C1QB: variants seen among roughly 807,000 people sequenced by gnomAD.
C1QB encodes the protein complement C1q B chain.
C1QB carries 2 observed loss-of-function variants against 4.6 expected under a neutral mutation model. The ratio of observed to expected loss-of-function variants is 0.43; its 90% confidence interval spans 0.18 to 1.36. The LOEUF (loss-of-function observed/expected upper bound fraction) is 1.36. C1QB is among the 40% of genes most tolerant of loss of function. The probability of loss-of-function intolerance (pLI) is 0.28; values close to 1 mark genes in which losing one functional copy is unlikely to be tolerated. For synonymous variants in C1QB, 132 were observed against 137.1 expected (o/e 0.96, Z 0.26); for missense variants, 292 against 338.0 (o/e 0.86, Z 1.07).
Position 22,655,169 on chromosome 1 carries a change from C to A in C1QB, c.-24+1866C>A, listed in dbSNP as rs546921964. Among the ~76,000 whole-genome samples, 7 of 152,372 alleles carry A rather than the reference C, an allele frequency of 4.6e-5. No homozygotes were observed. In the South Asian group the frequency reaches 1.4e-3, roughly 32 times the overall value. ...CAGAGCCTGGCCTATACGTACCCAA[C>A]TTATTAAAGTTGTTAAATTGCCATT... is the stretch of plus-strand genomic sequence containing the variant. On this transcript the variant is annotated intron_variant, in intron 1 of 2. Coordinates refer to ENST00000509305, the MANE Select transcript of C1QB (RefSeq NM_001378156.1).
At chr1:22,658,200 A>G (rs1309912169) in intron 1 of C1QB, among the ~76,000 whole-genome samples, 3 of 151,834 alleles carry the variant, frequency 2.0e-5, no homozygotes, top group African/African-American at 7.3e-5. Context: ...TTGCCTCTCC[A>G]CTCTTGCTTC....
rs1160986568 is a variant in C1QB at position 22,660,850 on chromosome 1, G to A, written c.220G>A (p.Glu74Lys). ...GGCTGGAGACCATGGTGAGTTCGGA[G>A]AGAAGGGAGACCCAGGGATTCCTGG... ...GLAGDHGEFG[E>K]KGDPGIPGNP... Residue 74 changes from glutamate to lysine, a missense_variant, in exon 3 of 3, where the codon GAG becomes AAG. Glu to Lys is a moderately conservative substitution (Grantham distance 56, BLOSUM62 1). Transcript: ENST00000509305. The A allele has an allele frequency of 1.9e-6, 3 of 1,613,964 alleles. No individual in the cohort carries two copies. In the East Asian group the frequency reaches 6.7e-5, roughly 36 times the overall value.
intron 1 of C1QB, among the ~76,000 whole-genome samples, chr1:22,653,784 C>T (rs1431597495): frequency 1.3e-5 from 2 of 152,192 alleles, no homozygotes; most frequent in African/African-American, 4.8e-5. Context: ...CCTGCCCGGC[C>T]CAGCATTTCC....
chr1:22,656,767 C>T (rs1394852865), intron 1 of C1QB, among the ~76,000 whole-genome samples: 1 of 152,152 alleles, frequency 6.6e-6, no homozygotes, highest in Non-Finnish European at 1.5e-5. Context: ...CAAGACTGCT[C>T]CCCCTCAGAC....
In C1QB at chr1:22,660,892, G is replaced by A. The variant is rs544508692; in HGVS notation, c.262G>A (p.Gly88Ser). The change falls in exon 3 of 3, where the codon GGC becomes AGC. Residue 88 changes from glycine (G) to serine (S), a missense_variant. Coordinates refer to ENST00000509305, the MANE Select transcript of C1QB (RefSeq NM_001378156.1). ...GATTCCTGGGAATCCAGGAAAAGTC[G>A]GCCCCAAGGGCCCCATGGGCCCTAA... Reference protein sequence around the residue: ...PGIPGNPGKVGPKGPMGPKGG... With the variant: ...PGIPGNPGKVSPKGPMGPKGG... The A allele has an allele frequency of 1.4e-5, 23 of 1,612,898 alleles. No homozygotes were observed. The highest frequency in any genetic ancestry group is 1.1e-4 in the African/African-American group (8 of 74,816).
chr1:22,657,767 T>C (rs1465439464), intron 1 of C1QB, among the ~76,000 whole-genome samples: 2 of 152,188 alleles, frequency 1.3e-5, no homozygotes, highest in Admixed American at 6.5e-5. Context: ...GTTAAAAATA[T>C]ATAGGCTGAG....
At chr1:22,660,295 C>G in intron 2 of C1QB, among the ~76,000 whole-genome samples, 1 of 152,208 alleles carries the variant, frequency 6.6e-6, no homozygotes, top group Non-Finnish European at 1.5e-5. Context: ...GCACATCTCT[C>G]TGTCCCCAGA....
intron 1 of C1QB, among the ~76,000 whole-genome samples, chr1:22,657,189 C>T (rs1642543307): frequency 6.6e-6 from 1 of 152,048 alleles, no homozygotes; most frequent in Admixed American, 6.6e-5. Context: ...GAGAGTAGAC[C>T]CTCTAAGCCT....
At chr1:22,653,877 G>A (rs1642489306) in intron 1 of C1QB, 1 of 152,264 alleles carries the variant, frequency 6.6e-6, no homozygotes, top group South Asian at 2.1e-4. Context: ...TGCAGGTAGA[G>A]TTACGATGAG....
In C1QB at chr1:22,659,576, C is replaced by T. The variant is rs1201454821; in HGVS notation, c.114C>T (p.Ile38=). The T allele has an allele frequency of 1.2e-6, 2 of 1,613,906 alleles. No individual in the cohort carries two copies. Among genetic ancestry groups the T allele is most frequent in the African/African-American group, 1.3e-5 (1 of 74,880 alleles). ...CCGGGCCCCCAGCCATCCCTGGCATCCCGGGTATCCCTGGGACACCTGGCC... is the reference window on the plus strand; with the variant it reads ...CCGGGCCCCCAGCCATCCCTGGCATTCCGGGTATCCCTGGGACACCTGGCC... ...SCTGPPAIPG[I]PGIPGTPGPD... is the part of the protein sequence containing the mutation. Residue 38 remains isoleucine (I), a synonymous_variant, in exon 2 of 3, where the codon ATC becomes ATT. Transcript: ENST00000509305.
Position 22,653,457 on chromosome 1 carries a change from C to T in C1QB, c.-24+154C>T, listed in dbSNP as rs909611424. 2.6e-5 allele frequency among the ~76,000 whole-genome samples: 4 copies of T among 152,302 alleles called. No homozygotes were observed. In the East Asian group the frequency reaches 7.7e-4, roughly 29 times the overall value. Reference sequence around the variant, plus strand: ...TGGGCCCAATCCCAGACCTATGGGACCCAGATCTCTGGGGTGAGTTGGGGA... The same window carrying T: ...TGGGCCCAATCCCAGACCTATGGGATCCAGATCTCTGGGGTGAGTTGGGGA... On this transcript the variant is annotated intron_variant, in intron 1 of 2. Coordinates refer to ENST00000509305, the MANE Select transcript of C1QB (RefSeq NM_001378156.1).
chr1:22,659,518 T>C lies in C1QB; in HGVS notation c.56T>C (p.Leu19Pro). Residue 19 changes from leucine (L) to proline (P), a missense_variant, in exon 2 of 3, where the codon CTA becomes CCA. Coordinates refer to ENST00000509305, the MANE Select transcript of C1QB (RefSeq NM_001378156.1). ...PVLMLLLLLG[L>P]IDISQAQLSC... ...CTGATGTTGCTCCTGCTCCTGGGCC[T>C]AATCGATATCTCCCAGGCCCAGCTC... The C allele has an allele frequency of 1.2e-6, 2 of 1,614,060 alleles. No individual in the cohort carries two copies. Among genetic ancestry groups the C allele is most frequent in the South Asian group, 2.2e-5 (2 of 91,082 alleles).
chr1:22,654,342 C>T (rs1012150224), intron 1 of C1QB, among the ~76,000 whole-genome samples: 9 of 152,064 alleles, frequency 5.9e-5, no homozygotes, highest in Non-Finnish European at 1.0e-4. Flanking sequence ...CCCCAGGAAG[C>T]CCAAGTCCTG....
intron 1 of C1QB, among the ~76,000 whole-genome samples, chr1:22,658,564 T>C (rs188026637): frequency 2.0e-5 from 3 of 152,388 alleles, no homozygotes; most frequent in African/African-American, 7.2e-5. Flanking sequence ...CCTGTTTATA[T>C]CTGTCCCCAC....
intron 1 of C1QB, among the ~76,000 whole-genome samples, chr1:22,657,376 T>C (rs1353755822): frequency 2.0e-5 from 3 of 152,186 alleles, no homozygotes; most frequent in African/African-American, 7.2e-5. Flanking sequence ...CATGTACCCA[T>C]ACAATGGAGT....
intron 2 of C1QB, 51 bp downstream of exon 2, chr1:22,659,694 T>G (rs751979207): frequency 6.4e-7 from 1 of 1,558,836 alleles, no homozygotes; most frequent in South Asian, 1.2e-5. Context: ...ATTTCCCGTC[T>G]CCTGCCTCCC....
chr1:22,655,639 T>C (rs1329836690), intron 1 of C1QB, among the ~76,000 whole-genome samples: 1 of 152,164 alleles, frequency 6.6e-6, no homozygotes, highest in Non-Finnish European at 1.5e-5. Flanking sequence ...ATCTGCAAGA[T>C]GGGAAATTAA....
intron 1 of C1QB, among the ~76,000 whole-genome samples, chr1:22,656,832 G>A (rs1302589534): frequency 1.3e-5 from 2 of 152,176 alleles, no homozygotes; most frequent in African/African-American, 4.8e-5. Context: ...TCAAGTTGGG[G>A]TTCTCACAAC....
chr1:22,660,223 T>G (rs623607), intron 2 of C1QB, among the ~76,000 whole-genome samples: 2 of 152,118 alleles, frequency 1.3e-5, no homozygotes, highest in South Asian at 4.1e-4. Context: ...GAGGAGGCTG[T>G]CCTCAGGAAA....
Sources: allele counts gnomAD v4.1 joint callset (sites outside exome capture counted in the v4.1 genomes callset), GRCh38; gene constraint gnomAD v4.1.1; transcripts MANE v1.5; gene names NCBI Gene and HGNC (gene_info 2026-07-23, HGNC 2026-07-21).